Variants in SLC25A29 observed in about 807,000 individuals in gnomAD.
The protein encoded by SLC25A29 is solute carrier family 25 member 29.
A neutral mutation model predicts 10.0 loss-of-function variants in SLC25A29; 13 were observed. The ratio of observed to expected loss-of-function variants is 1.30; its 90% CI spans 0.85 to 2.07. The LOEUF (loss-of-function observed/expected upper bound fraction) is 2.07. Among genes scored for constraint, SLC25A29 ranks in the 30% most tolerant of loss-of-function variants. The pLI, the probability that SLC25A29 is intolerant of heterozygous loss-of-function variation, is 0.00. For missense variants in SLC25A29, 475 were observed against 447.6 expected, an observed-to-expected ratio of 1.06 and a Z score of -0.55; for synonymous variants, 244 against 221.1, an observed-to-expected ratio of 1.10 and a Z score of -0.92.
downstream of SLC25A29, among the ~76,000 whole-genome samples, chr14:100,290,767 CA>C (rs1891646775): frequency 6.6e-6 from 1 of 152,238 alleles, no homozygotes; most frequent in Non-Finnish European, 1.5e-5. Flanking sequence ...CAGCTCCACT[CA>C]GACCTCCCCT....
chr14:100,285,501 C>T, the SLC25A29 span, among the ~76,000 whole-genome samples: 1 of 151,650 alleles, frequency 6.6e-6, no homozygotes, highest in Admixed American at 6.6e-5. Context: ...GCGGAGCGGC[C>T]CGGACCTCGC....
chr14:100,292,494 C>T lies in SLC25A29; in HGVS notation c.701G>A (p.Cys234Tyr). 3.1e-6 allele frequency: 5 copies of T among 1,588,030 alleles called. No homozygotes were observed. The highest frequency in any genetic ancestry group is 4.3e-6 in the Non-Finnish European group (5 of 1,168,974). Residue 234 changes from cysteine (C) to tyrosine (Y), a missense_variant, in exon 4 of 4, where the codon TGC becomes TAC. Cys to Tyr is a radical substitution (Grantham distance 194). Transcript: ENST00000359232. Reference sequence around the variant, plus strand: ...CTCGGCGCGGTAGCTCTGGTGCACGCAGTCCAGGATGCCGCGGTAGCGCGG... The same window carrying T: ...CTCGGCGCGGTAGCTCTGGTGCACGTAGTCCAGGATGCCGCGGTAGCGCGG... ...GAPRYRGILD[C>Y]VHQSYRAEGW...
rs758634919 is a variant in SLC25A29 at position 100,293,360 on chromosome 14, C to G, written c.96G>C (p.Gln32His). ...CGCGGTACTGAGGCTTCTCCACGCT[C>G]TGGACCTGAAGCCGTACCTGGAAGG... ...FDTVKVRLQV[Q>H]SVEKPQYRGT... Residue 32 changes from glutamine (Q) to histidine (H), a missense_variant, in exon 3 of 4, where the codon CAG (glutamine) becomes CAC (histidine). By Grantham distance (24) the Gln-to-His change is conservative. Transcript: ENST00000359232. The G allele has an allele frequency of 5.6e-6, 9 of 1,613,210 alleles. No homozygotes were observed. Among genetic ancestry groups the G allele is most frequent in the Non-Finnish European group, 7.6e-6 (9 of 1,179,964 alleles).
At chr14:100,285,698 G>A in the SLC25A29 span, among the ~76,000 whole-genome samples, 1 of 152,066 alleles carries the variant, frequency 6.6e-6, no homozygotes, top group Non-Finnish European at 1.5e-5. Context: ...GGGCGGAGGA[G>A]ACTCCCGCCG....
chr14:100,299,085 C>T (rs1892370298), intron 1 of SLC25A29, 200 bp from the exon 2 acceptor site: 1 of 1,425,000 alleles, frequency 7.0e-7, no homozygotes. Context: ...ATGCATGTGA[C>T]ATCCCAAGGC....
At chr14:100,289,992 T>C (rs907497949), downstream of SLC25A29, among the ~76,000 whole-genome samples, 1 of 152,158 alleles carries the variant, frequency 6.6e-6, no homozygotes, top group Non-Finnish European at 1.5e-5. Flanking sequence ...CCCCGCCCCT[T>C]CACCTTGCTC....
intron 1 of SLC25A29, among the ~76,000 whole-genome samples, chr14:100,303,052 G>A (rs935875281): frequency 4.6e-5 from 7 of 152,164 alleles, no homozygotes; most frequent in African/African-American, 1.7e-4. Context: ...GGTGAATGAA[G>A]AAGCAACCAC....
At chr14:100,305,697 C>G (rs1398134206) in intron 1 of SLC25A29, 1 of 148,536 alleles carries the variant, frequency 6.7e-6, no homozygotes, top group African/African-American at 2.5e-5. Flanking sequence ...CAAGGCGTGA[C>G]TCGGCGCCAG....
At chr14:100,283,930 G>A in the SLC25A29 span, among the ~76,000 whole-genome samples, 1 of 151,788 alleles carries the variant, frequency 6.6e-6, no homozygotes, top group Non-Finnish European at 1.5e-5. Context: ...CACCTAGGCC[G>A]GAGTGCAGTG....
chr14:100,290,136 T>G (rs1259279646), downstream of SLC25A29, among the ~76,000 whole-genome samples: 2 of 152,192 alleles, frequency 1.3e-5, no homozygotes, highest in Non-Finnish European at 2.9e-5. Flanking sequence ...AGGGTCACGT[T>G]GGGGCCTTTC....
Position 100,303,590 on chromosome 14 carries a change from C to A in SLC25A29, c.34+2609G>T, listed in dbSNP as rs554555072. ...GCTTGGTCTCCTTCACCCAGAAGAA[C>A]CCATCCTCAGGAACAGTGTGGGCTG... On this transcript the variant is annotated intron_variant, in intron 1 of 3. Transcript: ENST00000359232. 1.1e-4 allele frequency among the ~76,000 whole-genome samples: 17 copies of A among 152,366 alleles called. No individual in the cohort carries two copies. The East Asian group carries it at 3.3e-3, about 29-fold the overall frequency.
chr14:100,300,080 AG>A (rs1892438658), intron 1 of SLC25A29: 1 of 467,232 alleles, frequency 2.1e-6, no homozygotes, highest in Non-Finnish European at 2.8e-6. Context: ...AAACCAGCCT[AG>A]CCAACATGGT....
intron 1 of SLC25A29, among the ~76,000 whole-genome samples, chr14:100,303,030 C>A (rs1059263): frequency 0.24 from 36,782 of 152,092 alleles, 5,642 homozygotes; most frequent in East Asian, 0.54. Flanking sequence ...TCCAGAGCCT[C>A]TAACATTCAC....
chr14:100,298,609 A>G (rs1892329572), intron 2 of SLC25A29: 3 of 595,158 alleles, frequency 5.0e-6, no homozygotes, highest in African/African-American at 1.9e-5. Flanking sequence ...AAACCTCAGC[A>G]CCTCGGTTCC....
At chr14:100,295,078 G>A (rs1207916274) in intron 2 of SLC25A29, 2 of 157,202 alleles carry the variant, frequency 1.3e-5, no homozygotes, top group African/African-American at 2.4e-5. Context: ...TGCCACCTGG[G>A]TAGTGTTGTG....
At chr14:100,279,566 CTGTAT>C in the SLC25A29 span, 1 of 152,258 alleles carries the variant, frequency 6.6e-6, no homozygotes. Flanking sequence ...CCAGGCTTTG[CTGTAT>C]CTGGCAGTCA....
chr14:100,293,358 C>T lies in SLC25A29; in HGVS notation c.98G>A (p.Ser33Asn), dbSNP rs1187766281. 2 of 1,613,148 alleles carry T rather than the reference C, an allele frequency of 1.2e-6. No homozygotes were observed. The highest frequency in any genetic ancestry group is 1.3e-5 in the African/African-American group (1 of 74,940). Residue 33 changes from serine to asparagine, a missense_variant, in exon 3 of 4, where the codon AGC becomes AAC. Ser to Asn is a conservative substitution (Grantham distance 46). Coordinates refer to ENST00000359232, the MANE Select transcript of SLC25A29 (RefSeq NM_001039355.3). Reference protein sequence around the residue: ...DTVKVRLQVQSVEKPQYRGTL... With the variant: ...DTVKVRLQVQNVEKPQYRGTL... ...CCCGCGGTACTGAGGCTTCTCCACG[C>T]TCTGGACCTGAAGCCGTACCTGGAA... is the stretch of plus-strand genomic sequence containing the variant.
the SLC25A29 span, chr14:100,282,484 A>G: frequency 6.6e-6 from 1 of 152,162 alleles, no homozygotes; most frequent in Non-Finnish European, 1.5e-5. Context: ...AGGCTCTATT[A>G]TCAACAGGTG....
chr14:100,304,331 C>T (rs1892768222), intron 1 of SLC25A29, among the ~76,000 whole-genome samples: 1 of 152,130 alleles, frequency 6.6e-6, no homozygotes, highest in African/African-American at 2.4e-5. Flanking sequence ...ACCCCAGCAC[C>T]CTGGAGTAAG....
Sources: gnomAD v4.1 joint callset for allele counts (sites outside exome capture counted in the v4.1 genomes callset) on GRCh38, gnomAD v4.1.1 for gene constraint, MANE v1.5 for transcripts, NCBI Gene and HGNC (gene_info 2026-07-23, HGNC 2026-07-21) for gene names.